The following CEACAM21 variants were observed in gnomAD, a reference collection of about 807,000 sequenced individuals.
CEACAM21 encodes cell adhesion molecule CEACAM21.
In CEACAM21, 38 loss-of-function variants were observed where a neutral mutation model predicts 33.2. The ratio of observed to expected loss-of-function variants is 1.14; its 90% CI spans 0.88 to 1.50. The LOEUF (loss-of-function observed/expected upper bound fraction) is 1.50, where lower values mean the gene tolerates loss of function less well. Ranked by LOEUF, CEACAM21 falls within the 40% of genes most tolerant of loss-of-function variation. CEACAM21 has a pLI of 0.00. For missense variants in CEACAM21, 385 were observed against 364.6 expected, an observed-to-expected ratio of 1.06 and a Z score of -0.46; for synonymous variants, 156 against 143.0, an observed-to-expected ratio of 1.09 and a Z score of -0.65.
At position 41,586,582 on chromosome 19, in the gene CEACAM21, G is replaced by A; in HGVS notation, c.*119G>A. The A allele has an allele frequency of 1.7e-6, 1 of 603,780 alleles. No individual in the cohort carries two copies. Among genetic ancestry groups the A allele is most frequent in the Non-Finnish European group, 3.2e-6 (1 of 309,542 alleles). The allele number at this position is 603,780 out of a possible 1,614,324, so 37.4% of individuals were successfully genotyped here. On this transcript the variant is annotated 3_prime_UTR_variant, in exon 7 of 7. Coordinates refer to ENST00000401445, the MANE Select transcript of CEACAM21 (RefSeq NM_001098506.4). The stretch of plus-strand genomic sequence containing the variant: ...TGATGGAGCGTCCCTGAAGCCCCCA[G>A]CCCTGGGGATGGGGAAGGACATGGA...
intron 2 of CEACAM21, among the ~76,000 whole-genome samples, chr19:41,567,443 G>A (rs1388224875): frequency 6.6e-6 from 1 of 152,182 alleles, no homozygotes; most frequent in Non-Finnish European, 1.5e-5. Flanking sequence ...GATGTTCATT[G>A]CAGCCCTGTT....
rs1255429117 is a variant in CEACAM21 at position 41,586,527 on chromosome 19, T to C, written c.*64T>C. The C allele has an allele frequency of 1.6e-6, 1 of 631,400 alleles. No homozygotes were observed. Among genetic ancestry groups the C allele is most frequent in the African/African-American group, 1.8e-5 (1 of 54,262 alleles). 39.1% of individuals were successfully genotyped at this position (631,400 alleles called of 1,614,324 possible). A position where few individuals can be genotyped will look rare whatever the true frequency, so the allele number is the denominator to read the frequency against. On this transcript the variant is annotated 3_prime_UTR_variant, in exon 7 of 7. Coordinates refer to ENST00000401445, the MANE Select transcript of CEACAM21 (RefSeq NM_001098506.4). Reference sequence around the variant, plus strand: ...CGACCACAAAGCAGATGTGGCTTCTTAGGTTCCTCTGGGAGCTGCTCCTGT... The same window carrying C: ...CGACCACAAAGCAGATGTGGCTTCTCAGGTTCCTCTGGGAGCTGCTCCTGT...
rs782297636 is a variant in CEACAM21 at position 41,585,478 on chromosome 19, C to A, written c.833C>A (p.Pro278His). The A allele has an allele frequency of 6.2e-7, 1 of 1,613,830 alleles. No homozygotes were observed. Among genetic ancestry groups the A allele is most frequent in the Non-Finnish European group, 8.5e-7 (1 of 1,179,796 alleles). Residue 278 changes from proline (P) to histidine (H), a missense_variant, in exon 5 of 7, where the codon CCC becomes CAC. Coordinates refer to ENST00000401445, the MANE Select transcript of CEACAM21 (RefSeq NM_001098506.4). Reference sequence around the variant, plus strand: ...CAGAGTGACTTCAGGGAGCAGCAGCCCCCAGCCTCCACCCCCGGTGAGTGT... The same window carrying A: ...CAGAGTGACTTCAGGGAGCAGCAGCACCCAGCCTCCACCCCCGGTGAGTGT... ...SDQSDFREQQ[P>H]PASTPGHGPS...
intron 3 of CEACAM21, among the ~76,000 whole-genome samples, chr19:41,582,491 A>G (rs2122278834): frequency 6.6e-6 from 1 of 152,350 alleles, no homozygotes; most frequent in East Asian, 1.9e-4. Context: ...CTTCCCTAGC[A>G]GAGGTTCTCC....
chr19:41,555,427 T>A (rs1465515496), intron 1 of CEACAM21: 1 of 151,754 alleles, frequency 6.6e-6, no homozygotes, highest in Non-Finnish European at 1.5e-5. Flanking sequence ...CTAGTTAGAT[T>A]AGATAAATAG....
intron 1 of CEACAM21, chr19:41,551,709 T>C (rs1555784361): frequency 6.7e-6 from 1 of 148,212 alleles, no homozygotes; most frequent in African/African-American, 2.6e-5. Context: ...TCAGGGGAAA[T>C]AAAGACAATC....
rs191889923 is a variant in CEACAM21 at position 41,584,494 on chromosome 19, C to T, written c.797+51C>T. ...TCCCATCCTTCACGCTGACCCCAGG[C>T]GAGAAGGAAGGAGACCCTGTCTTGT... On this transcript the variant is annotated intron_variant, in intron 4 of 6. Transcript: ENST00000401445. The T allele has an allele frequency of 2.7e-3, 4,075 of 1,503,722 alleles. 22 individuals carry two copies. Among genetic ancestry groups the T allele is most frequent in the Non-Finnish European group, 2.5e-3 (2,747 of 1,098,160 alleles). The allele number at this position is 1,503,722 out of a possible 1,614,324, so 93.1% of individuals were successfully genotyped here. A position where few individuals can be genotyped will look rare whatever the true frequency, so the allele number is the denominator to read the frequency against.
chr19:41,583,916 G>T (rs1444578962), intron 3 of CEACAM21, among the ~76,000 whole-genome samples: 1 of 152,338 alleles, frequency 6.6e-6, no homozygotes, highest in African/African-American at 2.4e-5. Flanking sequence ...GCTGCAGGTA[G>T]ATTGATTCCC....
chr19:41,556,384 G>A (rs2122163832), intron 1 of CEACAM21, among the ~76,000 whole-genome samples: 1 of 152,316 alleles, frequency 6.6e-6, no homozygotes, highest in Admixed American at 6.5e-5. Context: ...TTCTAAAACG[G>A]AGTTTCACTC....
chr19:41,582,807 A>C (rs1477655781), intron 3 of CEACAM21, among the ~76,000 whole-genome samples: 2 of 152,190 alleles, frequency 1.3e-5, no homozygotes, highest in African/African-American at 4.8e-5. Context: ...CTAGGCCTCC[A>C]GTCCTGTGAT....
chr19:41,561,737 C>A (rs984263330), intron 1 of CEACAM21, among the ~76,000 whole-genome samples: 9 of 152,094 alleles, frequency 5.9e-5, no homozygotes, highest in South Asian at 2.1e-4. Flanking sequence ...AGTGAAAAAT[C>A]AGGAACTATT....
intron 3 of CEACAM21, among the ~76,000 whole-genome samples, chr19:41,581,469 C>T (rs141789392): frequency 6.6e-6 from 1 of 152,210 alleles, no homozygotes; most frequent in Middle Eastern, 3.2e-3. Flanking sequence ...CACTTCACAC[C>T]TCTATATTTC....
chr19:41,562,278 GA>G (rs1325441204), intron 1 of CEACAM21, among the ~76,000 whole-genome samples: 1 of 139,540 alleles, frequency 7.2e-6, no homozygotes, highest in Non-Finnish European at 1.5e-5. Flanking sequence ...AAGAAAGAAA[GA>G]AAAAACACTA....
At chr19:41,565,302 G>A (rs994982273) in intron 2 of CEACAM21, among the ~76,000 whole-genome samples, 5 of 152,276 alleles carry the variant, frequency 3.3e-5, no homozygotes, top group South Asian at 2.1e-4. Flanking sequence ...GGAGCCTAAG[G>A]AGAGGAGTGA....
At chr19:41,580,767 TAATCATTGGCCATTAATTGATTC>T (rs2043317731) in intron 3 of CEACAM21, among the ~76,000 whole-genome samples, 1 of 152,232 alleles carries the variant, frequency 6.6e-6, no homozygotes, top group Non-Finnish European at 1.5e-5. Flanking sequence ...ATGATTGATT[TAATCATTGGCCATTAATTGATTC>T]AATCATTGGC....
chr19:41,575,183 A>C (rs2042857269), upstream of CEACAM21, among the ~76,000 whole-genome samples: 1 of 151,668 alleles, frequency 6.6e-6, no homozygotes, highest in Admixed American at 6.5e-5. Flanking sequence ...TGGGTGGGGC[A>C]GGGGGAAGTG....
intron 3 of CEACAM21, among the ~76,000 whole-genome samples, chr19:41,583,633 C>A (rs2070479562): frequency 6.6e-6 from 1 of 152,166 alleles, no homozygotes; most frequent in Non-Finnish European, 1.5e-5. Flanking sequence ...TGGCAGCAGG[C>A]AAGAGGACAT....
At chr19:41,559,719 A>G (rs2041757084) in intron 1 of CEACAM21, among the ~76,000 whole-genome samples, 1 of 152,238 alleles carries the variant, frequency 6.6e-6, no homozygotes, top group Admixed American at 6.5e-5. Flanking sequence ...GACAACAGAC[A>G]ATGAAAGGAC....
At chr19:41,580,313 G>A (rs533378143) in intron 3 of CEACAM21, among the ~76,000 whole-genome samples, 44 of 152,108 alleles carry the variant, frequency 2.9e-4, no homozygotes, top group Admixed American at 5.2e-4. Context: ...AATGTGATGG[G>A]GGGGGGTTTC....
Sources: gnomAD v4.1 joint callset for allele counts (sites outside exome capture counted in the v4.1 genomes callset) on GRCh38, gnomAD v4.1.1 for gene constraint, MANE v1.5 for transcripts, NCBI Gene and HGNC (gene_info 2026-07-23, HGNC 2026-07-21) for gene names.